The following PDE10A variants were observed in gnomAD, a reference collection of about 807,000 sequenced individuals.
PDE10A encodes cAMP and cAMP-inhibited cGMP 3',5'-cyclic phosphodiesterase 10A.
In PDE10A, 39 loss-of-function variants were observed where a neutral mutation model predicts 97.7. The observed-to-expected ratio is 0.40, with a 90% CI of 0.31 to 0.52. PDE10A has a LOEUF of 0.52. PDE10A is among the 20% of genes least tolerant of loss of function. The pLI is 0.56. For synonymous variants in PDE10A, 371 were observed against 376.8 expected, an observed-to-expected ratio of 0.98 and a Z score of 0.18; for missense variants, 731 against 1,047.8, an observed-to-expected ratio of 0.70 and a Z score of 4.17.
At chr6:165,712,436 G>A (rs779949849) in intron 1 of PDE10A, among the ~76,000 whole-genome samples, 5 of 152,146 alleles carry the variant, frequency 3.3e-5, no homozygotes, top group Non-Finnish European at 7.4e-5. Flanking sequence ...GCAGGTTACA[G>A]GAACAGGGCT....
intron 1 of PDE10A, among the ~76,000 whole-genome samples, chr6:165,936,692 T>C (rs1045539765): frequency 5.9e-5 from 9 of 152,130 alleles, no homozygotes; most frequent in Non-Finnish European, 1.2e-4. Context: ...CCCAGGAAGA[T>C]GGTGATTCTT....
At chr6:165,629,613 A>G (rs1046886260) in intron 1 of PDE10A, among the ~76,000 whole-genome samples, 1 of 151,432 alleles carries the variant, frequency 6.6e-6, no homozygotes, top group Non-Finnish European at 1.5e-5. Flanking sequence ...GGCTCACTGA[A>G]ACCTCCACCT....
intron 14 of PDE10A, among the ~76,000 whole-genome samples, chr6:165,395,527 A>G (rs1482870761): frequency 6.6e-6 from 1 of 152,198 alleles, no homozygotes; most frequent in African/African-American, 2.4e-5. Flanking sequence ...ATTTGTTGTC[A>G]GAGAAATAAA....
chr6:165,355,119 A>G (rs1007152960), intron 18 of PDE10A, among the ~76,000 whole-genome samples: 9 of 152,188 alleles, frequency 5.9e-5, no homozygotes, highest in Non-Finnish European at 1.3e-4. Flanking sequence ...TTTCCTTTAA[A>G]GTGATACTGA....
At chr6:165,805,484 C>T (rs1036209966) in intron 1 of PDE10A, among the ~76,000 whole-genome samples, 3 of 152,316 alleles carry the variant, frequency 2.0e-5, no homozygotes, top group Non-Finnish European at 4.4e-5. Context: ...CTCCCAGCCG[C>T]GCCACGGGCC....
chr6:165,766,253 T>C (rs920646528), intron 1 of PDE10A, among the ~76,000 whole-genome samples: 6 of 152,250 alleles, frequency 3.9e-5, no homozygotes, highest in African/African-American at 1.4e-4. Context: ...CTGTGTATTG[T>C]AGGGCATTTG....
At chr6:165,787,905 A>G (rs1778537816) in intron 1 of PDE10A, among the ~76,000 whole-genome samples, 1 of 152,224 alleles carries the variant, frequency 6.6e-6, no homozygotes, top group South Asian at 2.1e-4. Context: ...AGCTCTTTCA[A>G]CACTTCTTGA....
chr6:165,534,231 A>T (rs1782945957), intron 2 of PDE10A, among the ~76,000 whole-genome samples: 1 of 151,706 alleles, frequency 6.6e-6, no homozygotes. Context: ...ACCTGACACG[A>T]CTGTACCAGG....
chr6:165,599,991 T>C (rs7751534), intron 1 of PDE10A, among the ~76,000 whole-genome samples: 1 of 152,092 alleles, frequency 6.6e-6, no homozygotes, highest in Admixed American at 6.5e-5. Flanking sequence ...TCCCAACAGA[T>C]TCCAACTGCT....
At chr6:165,748,352 T>G (rs1378175621) in intron 1 of PDE10A, among the ~76,000 whole-genome samples, 14 of 152,178 alleles carry the variant, frequency 9.2e-5, no homozygotes. Flanking sequence ...CCAATTTACC[T>G]AAGGCTTTAG....
intron 10 of PDE10A, among the ~76,000 whole-genome samples, chr6:165,421,421 C>A (rs950935595): frequency 2.0e-5 from 3 of 151,862 alleles, no homozygotes; most frequent in Non-Finnish European, 4.4e-5. Flanking sequence ...CCAGCCTGGG[C>A]GACAGAGCAA....
At chr6:165,469,967 G>A (rs567520231) in intron 3 of PDE10A, among the ~76,000 whole-genome samples, 6 of 152,150 alleles carry the variant, frequency 3.9e-5, no homozygotes, top group South Asian at 2.1e-4. Context: ...TGTGCTTTCC[G>A]TTCCACCCTT....
Position 165,837,650 on chromosome 6 carries a change from T to C in PDE10A, c.-615+149879A>G, listed in dbSNP as rs191546654. The stretch of plus-strand genomic sequence containing the variant: ...CCTCCAAGTAATCTGCTGATTTATA[T>C]CTCTCCTGGTTTTTTTTTTTTTTTT... On this transcript the variant is annotated intron_variant, in intron 1 of 19. Transcript: ENST00000366882. 5.0e-3 allele frequency among the ~76,000 whole-genome samples: 749 copies of C among 149,240 alleles called. 1 individual carries two copies. The highest frequency in any genetic ancestry group is 8.5e-3 in the Non-Finnish European group (570 of 67,450).
At chr6:165,350,947 AT>A in intron 18 of PDE10A, among the ~76,000 whole-genome samples, 1 of 152,148 alleles carries the variant, frequency 6.6e-6, no homozygotes, top group Non-Finnish European at 1.5e-5. Flanking sequence ...TTCTTTATAA[AT>A]TACTCAGTCT....
intron 1 of PDE10A, among the ~76,000 whole-genome samples, chr6:165,760,864 A>C (rs1200090454): frequency 6.6e-6 from 1 of 152,196 alleles, no homozygotes; most frequent in African/African-American, 2.4e-5. Flanking sequence ...AGCAGCTCCA[A>C]CTGCTTCAAA....
At chr6:165,490,626 C>T (rs1235367456) in intron 2 of PDE10A, among the ~76,000 whole-genome samples, 1 of 152,064 alleles carries the variant, frequency 6.6e-6, no homozygotes, top group Non-Finnish European at 1.5e-5. Flanking sequence ...ATGCAAATGG[C>T]CTAAATGTTC....
chr6:165,582,751 ACTCT>A (rs1343798775), intron 1 of PDE10A, among the ~76,000 whole-genome samples: 2 of 151,736 alleles, frequency 1.3e-5, no homozygotes, highest in African/African-American at 2.4e-5. Flanking sequence ...AGTATAGATG[ACTCT>A]CTATTTACGA....
Position 165,331,212 on chromosome 6 carries a change from C to T in PDE10A, c.*1813G>A, listed in dbSNP as rs1458050652. 6.6e-6 allele frequency: 1 copy of T among 152,000 alleles called. No homozygotes were observed. 9.4% of individuals were successfully genotyped at this position (152,000 alleles called of 1,614,324 possible). Reference sequence around the variant, plus strand: ...TGTGTGTGTTCTACATATATTACATCCATCCATATATATATGTGTGTGTAT... The same window carrying T: ...TGTGTGTGTTCTACATATATTACATTCATCCATATATATATGTGTGTGTAT... On this transcript the variant is annotated 3_prime_UTR_variant, in exon 22 of 22. Transcript: ENST00000539869.
chr6:165,548,210 C>T (rs1783828867), intron 1 of PDE10A, among the ~76,000 whole-genome samples: 1 of 149,716 alleles, frequency 6.7e-6, no homozygotes, highest in Non-Finnish European at 1.5e-5. Flanking sequence ...ACCATAAATA[C>T]TACTATCACA....
Sources: gnomAD v4.1 joint callset for allele counts (sites outside exome capture counted in the v4.1 genomes callset) on GRCh38, gnomAD v4.1.1 for gene constraint, MANE v1.5 for transcripts, NCBI Gene and HGNC (gene_info 2026-07-23, HGNC 2026-07-21) for gene names.